WDR41: variants seen among roughly 807,000 people sequenced by gnomAD.
The protein encoded by WDR41 is WD repeat-containing protein 41.
A neutral mutation model predicts 69.3 loss-of-function variants in WDR41; 63 were observed. The ratio of observed to expected loss-of-function variants is 0.91; its 90% CI spans 0.74 to 1.12. WDR41 has a LOEUF of 1.12. WDR41 is among the 50% of genes most tolerant of loss of function. The probability of loss-of-function intolerance (pLI) is 0.00; values close to 1 mark genes in which losing one functional copy is unlikely to be tolerated. For synonymous variants in WDR41, 185 were observed against 192.1 expected, an observed-to-expected ratio of 0.96 and a Z score of 0.31; for missense variants, 543 against 534.5, an observed-to-expected ratio of 1.02 and a Z score of -0.16.
chr5:77,436,491 A>C, intron 11 of WDR41, 97 bp from the exon 12 acceptor site: 3 of 1,483,756 alleles, frequency 2.0e-6, no homozygotes, highest in Non-Finnish European at 2.7e-6. Context: ...TTCCAGACTT[A>C]TTTTAGTCAA....
chr5:77,433,184 CTT>C lies in WDR41; in HGVS notation c.1329_1330del (p.Arg444IlefsTer10). 6.2e-7 allele frequency: 1 copy of C among 1,613,482 alleles called. No individual in the cohort carries two copies. Among genetic ancestry groups the C allele is most frequent in the Non-Finnish European group, 8.5e-7 (1 of 1,179,696 alleles). ...ATTCTCCTCTAATTTTTGAAATAATCTTAAACTGCGCAATCCAGATTCTCGCT... is the reference window on the plus strand; with the variant it reads ...ATTCTCCTCTAATTTTTGAAATAATCAAACTGCGCAATCCAGATTCTCGCT... On this transcript the variant is annotated frameshift_variant, in exon 13 of 13. Coordinates refer to ENST00000296679, the MANE Select transcript of WDR41 (RefSeq NM_018268.4). LOFTEE classifies it high-confidence loss of function.
chr5:77,442,915 G>GAAAAAAAAAAAAAAAAAAAAAAA (rs1799231024), intron 8 of WDR41, among the ~76,000 whole-genome samples: 2 of 64,800 alleles, frequency 3.1e-5, no homozygotes, highest in African/African-American at 1.9e-4. Context: ...AAAAAAAAAG[G>GAAAAAAAAAAAAAAAAAAAAAAA]ATTTTTTTCC....
chr5:77,439,635 T>C (rs1799081645), intron 9 of WDR41, among the ~76,000 whole-genome samples: 1 of 152,192 alleles, frequency 6.6e-6, no homozygotes, highest in East Asian at 1.9e-4. Context: ...ATTTACTCAA[T>C]GGGGATGCTA....
chr5:77,608,295 T>C (rs1744465913), intron 1 of WDR41, among the ~76,000 whole-genome samples: 1 of 152,212 alleles, frequency 6.6e-6, no homozygotes, highest in Non-Finnish European at 1.5e-5. Flanking sequence ...AAAATGTTGA[T>C]AGGGAATTGT....
intron 1 of WDR41, chr5:77,545,803 A>G: frequency 2.0e-6 from 2 of 1,023,466 alleles, no homozygotes; most frequent in East Asian, 5.5e-5. Context: ...CTGGGTGTTA[A>G]GTGCTCCAAG....
At chr5:77,507,787 T>G (rs533626357) in intron 1 of WDR41, among the ~76,000 whole-genome samples, 1 of 152,332 alleles carries the variant, frequency 6.6e-6, no homozygotes, top group Non-Finnish European at 1.5e-5. Flanking sequence ...ATTGCATAAT[T>G]TTTTAATGAA....
chr5:77,614,775 G>A (rs1469562296), intron 1 of WDR41, among the ~76,000 whole-genome samples: 2 of 151,200 alleles, frequency 1.3e-5, no homozygotes, highest in Non-Finnish European at 2.9e-5. Context: ...TTGTGCACAT[G>A]TACCCTAAAA....
chr5:77,434,599 G>GGAGACT (rs1365531365), intron 12 of WDR41, among the ~76,000 whole-genome samples: 9 of 151,866 alleles, frequency 5.9e-5, no homozygotes, highest in African/African-American at 1.2e-4. Flanking sequence ...CAGCTACTTG[G>GGAGACT]GAGACTGAGG....
intron 1 of WDR41, among the ~76,000 whole-genome samples, chr5:77,617,761 T>C (rs1287735486): frequency 6.6e-6 from 1 of 152,194 alleles, no homozygotes; most frequent in Non-Finnish European, 1.5e-5. Flanking sequence ...TAAATGGATT[T>C]TGAACATTTG....
intron 1 of WDR41, among the ~76,000 whole-genome samples, chr5:77,497,861 G>A (rs899474433): frequency 2.6e-5 from 4 of 152,132 alleles, no homozygotes; most frequent in African/African-American, 9.7e-5. Context: ...ATCCACAGAT[G>A]AATGGATAAA....
intron 1 of WDR41, among the ~76,000 whole-genome samples, chr5:77,526,499 A>C (rs1802449362): frequency 6.6e-6 from 1 of 152,174 alleles, no homozygotes; most frequent in Non-Finnish European, 1.5e-5. Context: ...TCAGCAATCC[A>C]ATTTTTCTTG....
At chr5:77,449,613 G>GCTAAAACT (rs763155256) in intron 8 of WDR41, 147 bp downstream of exon 8, 14 of 605,922 alleles carry the variant, frequency 2.3e-5, no homozygotes, top group Non-Finnish European at 4.0e-5. Flanking sequence ...AGCTCCACCG[G>GCTAAAACT]CTAAAACTTC....
intron 10 of WDR41, 72 bp from the exon 11 acceptor site, chr5:77,437,496 G>A: frequency 1.6e-6 from 2 of 1,286,706 alleles, no homozygotes; most frequent in Non-Finnish European, 2.3e-6. Context: ...TGCAGTGAAA[G>A]AAATCAGTGG....
intron 1 of WDR41, among the ~76,000 whole-genome samples, chr5:77,504,036 C>T (rs1047270878): frequency 6.6e-6 from 1 of 151,424 alleles, no homozygotes; most frequent in Non-Finnish European, 1.5e-5. Flanking sequence ...CAGAGCAGAA[C>T]TGAAGGAGAT....
chr5:77,586,717 T>TA (rs1285689856), intron 1 of WDR41, among the ~76,000 whole-genome samples: 1 of 148,744 alleles, frequency 6.7e-6, no homozygotes, highest in African/African-American at 2.5e-5. Context: ...TACTATTATC[T>TA]AAACTTTTTT....
chr5:77,570,479 T>C (rs984010204), intron 1 of WDR41, among the ~76,000 whole-genome samples: 1 of 148,580 alleles, frequency 6.7e-6, no homozygotes, highest in Non-Finnish European at 1.5e-5. Flanking sequence ...GTGGAGAAGA[T>C]TATGCTTTAC....
At chr5:77,619,476 T>C (rs549113358) in intron 1 of WDR41, among the ~76,000 whole-genome samples, 2 of 152,174 alleles carry the variant, frequency 1.3e-5, no homozygotes, top group South Asian at 4.1e-4. Context: ...CCCCCCAATT[T>C]TCCCTCTTAC....
chr5:77,430,979 C>CT lies in WDR41; in HGVS notation c.*2155dup, dbSNP rs1479912293. On this transcript the variant is annotated 3_prime_UTR_variant, in exon 13 of 13. Transcript: ENST00000296679. The stretch of plus-strand genomic sequence containing the variant: ...TCAAACTTTAATAGATGAGAAGTTG[C>CT]TTAAGAATGTGTATAGAAAGTGGTT... 1 of 152,068 alleles carries CT rather than the reference C, an allele frequency of 6.6e-6. No individual in the cohort carries two copies. The highest frequency in any genetic ancestry group is 1.5e-5 in the Non-Finnish European group (1 of 68,008). The allele number at this position is 152,068 out of a possible 1,614,324, so 9.4% of individuals were successfully genotyped here. A position where few individuals can be genotyped will look rare whatever the true frequency, so the allele number is the denominator to read the frequency against.
chr5:77,591,150 T>C (rs1488720630), intron 1 of WDR41, among the ~76,000 whole-genome samples: 1 of 152,150 alleles, frequency 6.6e-6, no homozygotes, highest in Non-Finnish European at 1.5e-5. Context: ...TCACTTTTGT[T>C]GAAATTTTCA....
Sources: gnomAD v4.1 joint callset for allele counts (sites outside exome capture counted in the v4.1 genomes callset) on GRCh38, gnomAD v4.1.1 for gene constraint, MANE v1.5 for transcripts, NCBI Gene and HGNC (gene_info 2026-07-23, HGNC 2026-07-21) for gene names.